KLHDC1: variants seen among roughly 807,000 people sequenced by gnomAD.
KLHDC1 encodes kelch domain containing 1.
In KLHDC1, 53 loss-of-function variants were observed where a neutral mutation model predicts 68.3. That is an observed-to-expected ratio of 0.78 (90% confidence interval 0.62 to 0.98). The LOEUF is 0.98. KLHDC1 is among the 50% of genes least tolerant of loss of function. KLHDC1 has a pLI of 0.00. For missense variants in KLHDC1, 470 were observed against 492.3 expected (o/e 0.95, Z 0.43); for synonymous variants, 148 against 159.0 (o/e 0.93, Z 0.52).
At position 49,728,353 on chromosome 14, in the gene KLHDC1, AG is replaced by A. The variant is rs549135004; in HGVS notation, c.568-571del. ...AAAAAACAAAACTTCTCTAAAGAAAAGGTCTGCTATATTTATTCAAAATAAA... is the reference window on the plus strand; with the variant it reads ...AAAAAACAAAACTTCTCTAAAGAAAAGTCTGCTATATTTATTCAAAATAAA... On this transcript the variant is annotated intron_variant, in intron 6 of 12. Coordinates refer to ENST00000359332, the MANE Select transcript of KLHDC1 (RefSeq NM_172193.3). Among the ~76,000 whole-genome samples, 3 of 152,340 alleles carry A rather than the reference AG, an allele frequency of 2.0e-5. No homozygotes were observed. The South Asian group carries it at 6.2e-4, about 32-fold the overall frequency.
intron 1 of KLHDC1, among the ~76,000 whole-genome samples, chr14:49,703,671 TTGCTTATAGTCAACTGGTGTG>T (rs72319947): frequency 0.25 from 38,776 of 152,080 alleles, 6,345 homozygotes; most frequent in Non-Finnish European, 0.36. Context: ...GATTCATACA[TTGCTTATAGTCAACTGGTGTG>T]TGCTTGTATG....
intron 12 of KLHDC1, among the ~76,000 whole-genome samples, chr14:49,749,444 G>T (rs1052806558): frequency 4.6e-5 from 7 of 152,070 alleles, no homozygotes; most frequent in Non-Finnish European, 8.8e-5. Flanking sequence ...AAGGCAGGTG[G>T]ATCACCCAAG....
At chr14:49,695,333 G>C (rs1035999492) in intron 1 of KLHDC1, among the ~76,000 whole-genome samples, 4 of 152,208 alleles carry the variant, frequency 2.6e-5, no homozygotes, top group South Asian at 2.1e-4. Flanking sequence ...AGACTTGAAA[G>C]TCAAAATGAT....
rs749235497 is a variant in KLHDC1, at chr14:49,725,755, CA to C, written c.555del (p.Gln185HisfsTer37). On this transcript the variant is annotated frameshift_variant, in exon 6 of 13. Transcript: ENST00000359332. LOFTEE classifies it high-confidence loss of function. The part of the protein sequence containing the change: ...IFDTKTQTWF[Q>X]PEIKGGVPPQ... ...TGACACAAAGACACAGACTTGGTTTCAACCAGAAATTAAAGTAAGTGTGGTA... is the reference window on the plus strand; with the variant it reads ...TGACACAAAGACACAGACTTGGTTTCACCAGAAATTAAAGTAAGTGTGGTA... 6.4e-7 allele frequency: 1 copy of C among 1,558,804 alleles called. No individual in the cohort carries two copies. Among genetic ancestry groups the C allele is most frequent in the Admixed American group, 1.8e-5 (1 of 55,452 alleles).
At chr14:49,712,219 A>T (rs982552716) in intron 4 of KLHDC1, among the ~76,000 whole-genome samples, 1 of 151,764 alleles carries the variant, frequency 6.6e-6, no homozygotes, top group East Asian at 1.9e-4. Flanking sequence ...CACCCAACCA[A>T]TATGTCTTCC....
At chr14:49,723,844 A>G (rs944139040) in intron 4 of KLHDC1, 30 bp from the exon 5 acceptor site, 16 of 1,309,464 alleles carry the variant, frequency 1.2e-5, no homozygotes, top group Non-Finnish European at 1.5e-5. Context: ...CAGAATTCCT[A>G]AAGTGTGTCA....
At position 49,709,140 on chromosome 14, in the gene KLHDC1, A is replaced by T; in HGVS notation, c.97-19A>T. 1 of 1,026,910 alleles carries T rather than the reference A, an allele frequency of 9.7e-7. No homozygotes were observed. The highest frequency in any genetic ancestry group is 1.5e-6 in the Non-Finnish European group (1 of 672,106). 63.6% of individuals were successfully genotyped at this position (1,026,910 alleles called of 1,614,324 possible). On this transcript the variant is annotated intron_variant, in intron 1 of 12. Transcript: ENST00000359332. ...CTGTGTAACTGATAAACATAATTTT[A>T]TGTATTCTGTATTTTTAGTCTATTG...
chr14:49,749,252 G>A (rs1889268319), intron 12 of KLHDC1, among the ~76,000 whole-genome samples: 1 of 152,110 alleles, frequency 6.6e-6, no homozygotes, highest in Admixed American at 6.5e-5. Context: ...ATATGTATAT[G>A]TGAATGTATA....
At chr14:49,745,017 A>C (rs369600347) in intron 12 of KLHDC1, among the ~76,000 whole-genome samples, 1 of 152,160 alleles carries the variant, frequency 6.6e-6, no homozygotes. Context: ...TACCTGTGAG[A>C]GTTGGGAGGA....
intron 1 of KLHDC1, among the ~76,000 whole-genome samples, chr14:49,705,892 G>T (rs909371723): frequency 1.3e-5 from 2 of 152,042 alleles, no homozygotes; most frequent in Non-Finnish European, 2.9e-5. Flanking sequence ...ATATATTTAT[G>T]GGATGCATGA....
intron 4 of KLHDC1, among the ~76,000 whole-genome samples, chr14:49,716,679 C>T (rs974536122): frequency 5.3e-5 from 8 of 152,104 alleles, no homozygotes; most frequent in African/African-American, 1.7e-4. Context: ...ATACCACGCC[C>T]GGCTTGCTAT....
chr14:49,728,313 A>T (rs1888721266), intron 6 of KLHDC1, among the ~76,000 whole-genome samples: 2 of 152,232 alleles, frequency 1.3e-5, no homozygotes, highest in Non-Finnish European at 2.9e-5. Flanking sequence ...ACAGAGCAAG[A>T]CTCTGCCTTG....
intron 8 of KLHDC1, 30 bp downstream of exon 8, chr14:49,729,578 C>T: frequency 6.9e-7 from 1 of 1,450,094 alleles, no homozygotes. Flanking sequence ...ACGTTTTAAT[C>T]TATAGGCATG....
In KLHDC1 at chr14:49,709,512, AT is replaced by A. The variant is rs373823604; in HGVS notation, c.168-184del. The stretch of plus-strand genomic sequence containing the variant: ...TCTAGTGACGTGTGAAATTTTTGTG[AT>A]TTTTTTTTTTTTCCTAGCAGATTGA... On this transcript the variant is annotated intron_variant, in intron 2 of 12. Transcript: ENST00000359332. 3.1e-3 allele frequency among the ~76,000 whole-genome samples: 443 copies of A among 142,654 alleles called. 2 individuals carry two copies. Among genetic ancestry groups the A allele is most frequent in the East Asian group, 0.02 (99 of 4,998 alleles). The allele number at this position is 142,654 out of a possible 152,430, so 93.6% of individuals were successfully genotyped here.
intron 4 of KLHDC1, among the ~76,000 whole-genome samples, chr14:49,711,904 C>CTTTTTTT (rs1888211658): frequency 5.6e-5 from 5 of 89,064 alleles, no homozygotes; most frequent in African/African-American, 8.2e-5. Flanking sequence ...TTTCTTTTTT[C>CTTTTTTT]TTTTTCTTTT....
chr14:49,730,033 C>A (rs1475177520), intron 8 of KLHDC1, among the ~76,000 whole-genome samples: 1 of 152,004 alleles, frequency 6.6e-6, no homozygotes, highest in East Asian at 1.9e-4. Flanking sequence ...GAAAATATAG[C>A]AGATTATCTT....
At chr14:49,747,800 G>A (rs1194296676) in intron 12 of KLHDC1, among the ~76,000 whole-genome samples, 1 of 152,094 alleles carries the variant, frequency 6.6e-6, no homozygotes, top group Non-Finnish European at 1.5e-5. Context: ...ATATGTAGTG[G>A]CACCATAGCT....
At chr14:49,730,530 A>G (rs1040291801) in intron 8 of KLHDC1, among the ~76,000 whole-genome samples, 2 of 152,128 alleles carry the variant, frequency 1.3e-5, no homozygotes, top group Admixed American at 6.6e-5. Context: ...GACATTTGCA[A>G]TATTTTTAAA....
intron 1 of KLHDC1, among the ~76,000 whole-genome samples, chr14:49,703,758 A>G (rs1887970885): frequency 1.3e-5 from 2 of 152,174 alleles, no homozygotes; most frequent in East Asian, 1.9e-4. Flanking sequence ...TGTGCTGCCC[A>G]GTTGTTAAAT....
Sources: allele counts gnomAD v4.1 joint callset (sites outside exome capture counted in the v4.1 genomes callset), GRCh38; gene constraint gnomAD v4.1.1; transcripts MANE v1.5; gene names NCBI Gene and HGNC (gene_info 2026-07-23, HGNC 2026-07-21).